The following PGM5 variants were observed in gnomAD, a reference collection of about 807,000 sequenced individuals.
PGM5 encodes the protein phosphoglucomutase-like protein 5.
In PGM5, 23 loss-of-function variants were observed where a neutral mutation model predicts 59.2. The ratio of observed to expected loss-of-function variants is 0.39; its 90% CI spans 0.28 to 0.55. The LOEUF (loss-of-function observed/expected upper bound fraction) is 0.55. PGM5 is among the 20% of genes least tolerant of loss of function. The pLI, the probability that PGM5 is intolerant of heterozygous loss-of-function variation, is 0.66. For synonymous variants in PGM5, 214 were observed against 286.0 expected, an observed-to-expected ratio of 0.75 and a Z score of 2.54; for missense variants, 574 against 748.3, an observed-to-expected ratio of 0.77 and a Z score of 2.72.
intron 9 of PGM5, among the ~76,000 whole-genome samples, chr9:68,496,040 T>A (rs1477475946): frequency 6.6e-6 from 1 of 152,220 alleles, no homozygotes; most frequent in Non-Finnish European, 1.5e-5. Context: ...TGTGCCCCAG[T>A]ACAACTTGTT....
Position 68,457,803 on chromosome 9 carries a change from C to T in PGM5, c.1044-7290C>T, listed in dbSNP as rs535999722. Among the ~76,000 whole-genome samples, 20 of 151,432 alleles carry T rather than the reference C, an allele frequency of 1.3e-4. No individual in the cohort carries two copies. The East Asian group carries it at 3.3e-3, about 25-fold the overall frequency. On this transcript the variant is annotated intron_variant, in intron 6 of 10. Transcript: ENST00000396396. ...AATCTTCCAAGAGTATTATATAAGT[C>T]ATTTTTTTTTAAGCTTCAGTAAGAG... is the stretch of plus-strand genomic sequence containing the variant.
rs532543086 is a variant in PGM5 at position 68,422,166 on chromosome 9, G to T, written c.1043+29693G>T. ...ATTTTCCTAACTTTTGATAGACCAA[G>T]TAGCCAAGTAGGAGGAACAATCTCA... On this transcript the variant is annotated intron_variant, in intron 6 of 10. Coordinates refer to ENST00000396396, the MANE Select transcript of PGM5 (RefSeq NM_021965.4). Among the ~76,000 whole-genome samples, 114 of 152,040 alleles carry T rather than the reference G, an allele frequency of 7.5e-4. 1 individual carries two copies. The highest frequency in any genetic ancestry group is 1.5e-3 in the Non-Finnish European group (99 of 67,976).
intron 6 of PGM5, among the ~76,000 whole-genome samples, chr9:68,438,286 C>CAAAAAAAAA (rs34047393): frequency 2.0e-4 from 7 of 34,812 alleles, no homozygotes; most frequent in African/African-American, 5.4e-4. Flanking sequence ...GAGACTCTGT[C>CAAAAAAAAA]AAAAAAAAAA....
In PGM5 at chr9:68,509,000, T is replaced by C. The variant is rs547419945; in HGVS notation, c.1614+9639T>C. On this transcript the variant is annotated intron_variant, in intron 10 of 10. Coordinates refer to ENST00000396396, the MANE Select transcript of PGM5 (RefSeq NM_021965.4). ...TGGCCTTCAGAAGGAAGCTCTGGACTAGTGTGTGCAATTAGCCAGCATCTG... is the reference window on the plus strand; with the variant it reads ...TGGCCTTCAGAAGGAAGCTCTGGACCAGTGTGTGCAATTAGCCAGCATCTG... 6.6e-5 allele frequency among the ~76,000 whole-genome samples: 10 copies of C among 152,350 alleles called. No homozygotes were observed. In the South Asian group the frequency reaches 2.1e-3, roughly 32 times the overall value.
At chr9:68,484,598 C>CAA (rs58109556) in intron 9 of PGM5, among the ~76,000 whole-genome samples, 22 of 132,902 alleles carry the variant, frequency 1.7e-4, no homozygotes, top group African/African-American at 3.6e-4. Context: ...AAACAAAAAA[C>CAA]AAAAAAAAAA....
intron 6 of PGM5, among the ~76,000 whole-genome samples, chr9:68,433,986 G>C (rs1554683211): frequency 6.6e-6 from 1 of 152,108 alleles, no homozygotes; most frequent in Non-Finnish European, 1.5e-5. Context: ...CAGTTCCTAA[G>C]AGACCCTCAA....
intron 6 of PGM5, among the ~76,000 whole-genome samples, chr9:68,399,842 A>G (rs1554680406): frequency 1.3e-5 from 2 of 152,142 alleles, no homozygotes; most frequent in Non-Finnish European, 2.9e-5. Context: ...TTTAACATGT[A>G]TAAATAGCAA....
intron 8 of PGM5, among the ~76,000 whole-genome samples, chr9:68,481,639 G>A (rs1412721373): frequency 6.6e-6 from 1 of 152,126 alleles, no homozygotes; most frequent in Non-Finnish European, 1.5e-5. Context: ...TGAATAATTG[G>A]TGTTATGGTA....
intron 9 of PGM5, among the ~76,000 whole-genome samples, chr9:68,490,392 G>T (rs1244118853): frequency 6.6e-6 from 1 of 152,194 alleles, no homozygotes; most frequent in Non-Finnish European, 1.5e-5. Flanking sequence ...CTGTCACCAG[G>T]CTGGAGTGCA....
chr9:68,424,127 A>T (rs1244489254), intron 6 of PGM5, among the ~76,000 whole-genome samples: 2 of 152,176 alleles, frequency 1.3e-5, no homozygotes, highest in Non-Finnish European at 2.9e-5. Flanking sequence ...GCATCTGGAA[A>T]AGTTTCCTAT....
chr9:68,450,800 T>C (rs1336375184), intron 6 of PGM5, among the ~76,000 whole-genome samples: 1 of 152,216 alleles, frequency 6.6e-6, no homozygotes, highest in Non-Finnish European at 1.5e-5. Context: ...GCTGGGTTAG[T>C]GTGCTGGGAT....
intron 1 of PGM5, among the ~76,000 whole-genome samples, chr9:68,373,997 C>T (rs1352716880): frequency 6.6e-6 from 1 of 152,260 alleles, no homozygotes; most frequent in South Asian, 2.1e-4. Context: ...TAGTTTATCA[C>T]CCATTGTCCA....
At chr9:68,403,233 C>G (rs1326054663) in intron 6 of PGM5, among the ~76,000 whole-genome samples, 11 of 152,200 alleles carry the variant, frequency 7.2e-5, no homozygotes, top group African/African-American at 2.6e-4. Flanking sequence ...GTTGCATGCT[C>G]CTTGCGAGAA....
At chr9:68,362,631 A>G (rs1834597383) in intron 1 of PGM5, among the ~76,000 whole-genome samples, 1 of 152,120 alleles carries the variant, frequency 6.6e-6, no homozygotes, top group East Asian at 1.9e-4. Context: ...GAGCCTCTTC[A>G]GTGGTTTAGA....
chr9:68,446,874 C>T (rs1037245769), intron 6 of PGM5, among the ~76,000 whole-genome samples: 1 of 152,154 alleles, frequency 6.6e-6, no homozygotes, highest in Non-Finnish European at 1.5e-5. Context: ...AAACATCCTC[C>T]CATCTCCTGA....
intron 7 of PGM5, among the ~76,000 whole-genome samples, chr9:68,469,883 A>G (rs1823994363): frequency 6.6e-6 from 1 of 152,188 alleles, no homozygotes; most frequent in Non-Finnish European, 1.5e-5. Flanking sequence ...TATTATTAGT[A>G]GTTATCTTTT....
intron 10 of PGM5, among the ~76,000 whole-genome samples, chr9:68,520,394 C>G (rs1824884981): frequency 6.6e-6 from 1 of 151,554 alleles, no homozygotes; most frequent in Non-Finnish European, 1.5e-5. Flanking sequence ...CACAGTTGCC[C>G]TTGAGTATTT....
At chr9:68,522,485 G>A (rs1824913958) in intron 10 of PGM5, among the ~76,000 whole-genome samples, 1 of 152,214 alleles carries the variant, frequency 6.6e-6, no homozygotes, top group Admixed American at 6.5e-5. Context: ...TAGCAGGAAA[G>A]AGAAGGTGGA....
At chr9:68,440,343 AAACT>A (rs1331860376) in intron 6 of PGM5, among the ~76,000 whole-genome samples, 1 of 152,186 alleles carries the variant, frequency 6.6e-6, no homozygotes, top group African/African-American at 2.4e-5. Context: ...TAAAACAAAC[AAACT>A]AACTAAATGT....
Sources: gnomAD v4.1 joint callset for allele counts (sites outside exome capture counted in the v4.1 genomes callset) on GRCh38, gnomAD v4.1.1 for gene constraint, MANE v1.5 for transcripts, NCBI Gene and HGNC (gene_info 2026-07-23, HGNC 2026-07-21) for gene names.